Variants in CCDC88A observed in about 807,000 individuals in gnomAD.
CCDC88A encodes the protein coiled-coil and HOOK domain protein 88A.
Under a neutral mutation model 234.3 loss-of-function variants are expected in CCDC88A, and 54 were observed. The ratio of observed to expected loss-of-function variants is 0.23; its 90% CI spans 0.19 to 0.29. The LOEUF (loss-of-function observed/expected upper bound fraction) is 0.29, where lower values mean the gene tolerates loss of function less well. Among genes scored for constraint, CCDC88A ranks in the 10% least tolerant of loss-of-function variants. The pLI is 1.00. For synonymous variants in CCDC88A, 753 were observed against 737.8 expected, an observed-to-expected ratio of 1.02 and a Z score of -0.33; for missense variants, 1,832 against 2,123.4, an observed-to-expected ratio of 0.86 and a Z score of 2.70.
intron 27 of CCDC88A, 127 bp from the exon 28 acceptor site, chr2:55,301,404 CATAGACTCAACTAGAAACTGGAACTAGG>C (rs1289309341): frequency 1.1e-5 from 6 of 556,132 alleles, no homozygotes; most frequent in Non-Finnish European, 9.2e-6. Context: ...TAACATATTT[CATAGACTCAACTAGAAACTGGAACTAGG>C]AATAAGAAAA....
intron 2 of CCDC88A, among the ~76,000 whole-genome samples, chr2:55,413,735 G>T (rs1680882168): frequency 6.6e-6 from 1 of 152,054 alleles, no homozygotes; most frequent in African/African-American, 2.4e-5. Context: ...GGAGGCTGAG[G>T]TGGGTGGATC....
Position 55,355,578 on chromosome 2 carries a change from C to T in CCDC88A, c.800+1G>A. 6.2e-7 allele frequency: 1 copy of T among 1,613,802 alleles called. No homozygotes were observed. The highest frequency in any genetic ancestry group is 8.5e-7 in the Non-Finnish European group (1 of 1,179,684). ...ATGAACCTCAAAAATCAGCAACTTA[C>T]AATTCCTGCCTAAGCCTTCTTATCT... On this transcript the variant is annotated splice_donor_variant, in intron 8 of 32. Coordinates refer to ENST00000436346, the MANE Select transcript of CCDC88A (RefSeq NM_001365480.1). LOFTEE classifies it high-confidence loss of function.
intron 12 of CCDC88A, among the ~76,000 whole-genome samples, chr2:55,341,882 T>C (rs1442472195): frequency 6.6e-6 from 1 of 152,234 alleles, no homozygotes; most frequent in Non-Finnish European, 1.5e-5. Flanking sequence ...AGCATGGGAA[T>C]GCAGATATCT....
chr2:55,415,225 G>C (rs1199923837), intron 2 of CCDC88A, among the ~76,000 whole-genome samples: 1 of 152,058 alleles, frequency 6.6e-6, no homozygotes, highest in Non-Finnish European at 1.5e-5. Context: ...TAGGGTGGGA[G>C]GATGGCCTGA....
intron 13 of CCDC88A, 99 bp from the exon 14 acceptor site, chr2:55,336,917 G>T: frequency 4.6e-6 from 3 of 655,492 alleles, no homozygotes; most frequent in East Asian, 3.4e-5. Flanking sequence ...ATAAAATAGT[G>T]TTAATATCCA....
At chr2:55,378,195 G>A (rs1231113243) in intron 3 of CCDC88A, among the ~76,000 whole-genome samples, 1 of 152,060 alleles carries the variant, frequency 6.6e-6, no homozygotes, top group African/African-American at 2.4e-5. Flanking sequence ...TCCACTTCCT[G>A]CCTACTCTGT....
chr2:55,329,744 C>T (rs1684696955), intron 16 of CCDC88A: 1 of 152,126 alleles, frequency 6.6e-6, no homozygotes, highest in Admixed American at 6.6e-5. Flanking sequence ...AGAGTGATCA[C>T]CTCTGTTTAC....
Position 55,332,496 on chromosome 2 carries a change from G to C in CCDC88A, c.2855+70C>G. The C allele has an allele frequency of 6.5e-7, 1 of 1,546,212 alleles. No individual in the cohort carries two copies. The highest frequency in any genetic ancestry group is 8.7e-7 in the Non-Finnish European group (1 of 1,152,218). On this transcript the variant is annotated intron_variant, in intron 16 of 32. Transcript: ENST00000436346. The surrounding 1 kb of genome is among the most constrained non-coding windows in gnomAD (Gnocchi z 4.5). The stretch of plus-strand genomic sequence containing the variant: ...ATAAATGTTTTCTATAGCTAGTACA[G>C]AAAGAATTCATGTATGAGCAAAAAA...
chr2:55,327,093 A>G (rs936540022), intron 17 of CCDC88A, among the ~76,000 whole-genome samples: 5 of 152,166 alleles, frequency 3.3e-5, no homozygotes, highest in Non-Finnish European at 5.9e-5. Flanking sequence ...ACACAGTTCT[A>G]AAATTTATTC....
intron 2 of CCDC88A, among the ~76,000 whole-genome samples, chr2:55,397,706 T>C (rs577751739): frequency 3.3e-5 from 5 of 152,292 alleles, no homozygotes; most frequent in East Asian, 3.9e-4. Context: ...AAAGTGTTAA[T>C]GCTTCTTCTT....
chr2:55,401,324 C>G (rs1212133984), intron 2 of CCDC88A, among the ~76,000 whole-genome samples: 1 of 149,680 alleles, frequency 6.7e-6, no homozygotes, highest in African/African-American at 2.5e-5. Context: ...GTCCTAGCTA[C>G]GCAGGAGGCT....
intron 2 of CCDC88A, among the ~76,000 whole-genome samples, chr2:55,393,288 G>GGT (rs1676957327): frequency 2.0e-5 from 1 of 50,060 alleles, no homozygotes; most frequent in Non-Finnish European, 4.2e-5. Flanking sequence ...TGGTTTTTTG[G>GGT]GTTTTTTTTT....
At chr2:55,355,925 G>A (rs1360672858) in intron 7 of CCDC88A, 174 bp from the exon 8 acceptor site, 8 of 489,032 alleles carry the variant, frequency 1.6e-5, no homozygotes, top group Non-Finnish European at 2.9e-5. Context: ...AACAGTTCAT[G>A]CATGGGCTAC....
intron 18 of CCDC88A, among the ~76,000 whole-genome samples, chr2:55,321,298 A>G (rs2104639456): frequency 6.6e-6 from 1 of 152,222 alleles, no homozygotes; most frequent in South Asian, 2.1e-4. Context: ...CATGCCTGTA[A>G]TCCCAGCACT....
At chr2:55,295,117 A>C (rs1321408409) in intron 31 of CCDC88A, 11 of 1,305,034 alleles carry the variant, frequency 8.4e-6, no homozygotes, top group Non-Finnish European at 1.0e-6. Flanking sequence ...GAAACCAACA[A>C]TGCAGCTTCT....
intron 9 of CCDC88A, among the ~76,000 whole-genome samples, chr2:55,347,082 TA>T (rs1388428265): frequency 6.6e-6 from 1 of 152,152 alleles, no homozygotes; most frequent in Non-Finnish European, 1.5e-5. Context: ...ACAATATTAC[TA>T]AAATAAATCA....
chr2:55,361,328 A>G (rs148835653), intron 7 of CCDC88A, among the ~76,000 whole-genome samples: 5 of 152,304 alleles, frequency 3.3e-5, no homozygotes, highest in African/African-American at 1.2e-4. Flanking sequence ...AATTTGATGC[A>G]TAGTAGGAAT....
intron 9 of CCDC88A, chr2:55,349,171 G>C (rs1415721157): frequency 1.5e-5 from 3 of 195,862 alleles, no homozygotes; most frequent in African/African-American, 4.7e-5. Context: ...CACTATCAGG[G>C]AGCAGAGACA....
At position 55,357,516 on chromosome 2, in the gene CCDC88A, G is replaced by A. The variant is rs112713692; in HGVS notation, c.628-1765C>T. 1.8e-3 allele frequency among the ~76,000 whole-genome samples: 278 copies of A among 151,878 alleles called. 1 individual carries two copies. The highest frequency in any genetic ancestry group is 3.4e-3 in the Non-Finnish European group (229 of 67,948). On this transcript the variant is annotated intron_variant, in intron 7 of 32. Coordinates refer to ENST00000436346, the MANE Select transcript of CCDC88A (RefSeq NM_001365480.1). The stretch of plus-strand genomic sequence containing the variant: ...TCCCCTAATTTTCCTTTTGTTATCT[G>A]TAAATTCTCTTACTCTAAACCAATT...
Sources: allele counts gnomAD v4.1 joint callset (sites outside exome capture counted in the v4.1 genomes callset), GRCh38; gene constraint gnomAD v4.1.1; non-coding constraint Gnocchi (gnomAD v3.1); transcripts MANE v1.5; gene names NCBI Gene and HGNC (gene_info 2026-07-23, HGNC 2026-07-21).